The following ABLIM1 variants were observed in gnomAD, a reference collection of about 807,000 sequenced individuals.
ABLIM1 encodes the protein actin binding LIM protein 1, also known as actin-binding LIM protein 1.
Under a neutral mutation model 107.0 loss-of-function variants are expected in ABLIM1, and 40 were observed. The observed-to-expected ratio is 0.37, with a 90% CI of 0.29 to 0.49. ABLIM1 has a LOEUF of 0.49. ABLIM1 is among the 20% of genes least tolerant of loss of function. The probability of loss-of-function intolerance (pLI) is 0.97; values close to 1 mark genes in which losing one functional copy is unlikely to be tolerated. For missense variants in ABLIM1, 857 were observed against 1,008.5 expected (o/e 0.85, Z 2.04); for synonymous variants, 357 against 357.3 (o/e 1.00, Z 0.01).
intron 1 of ABLIM1, among the ~76,000 whole-genome samples, chr10:114,720,665 C>T (rs1291662382): frequency 6.6e-6 from 1 of 152,012 alleles, no homozygotes; most frequent in East Asian, 1.9e-4. Context: ...CTGAAACCTC[C>T]TTGTTGACGA....
chr10:114,704,335 T>TCTCACG (rs3061769), intron 1 of ABLIM1, among the ~76,000 whole-genome samples: 3,332 of 82,672 alleles, frequency 0.04, 210 homozygotes, highest in East Asian at 0.11. Context: ...TATATATATA[T>TCTCACG]TGCGCGCGTT....
intron 16 of ABLIM1, 82 bp from the exon 17 acceptor site, chr10:114,444,216 G>C: frequency 1.7e-6 from 2 of 1,181,488 alleles, no homozygotes; most frequent in Non-Finnish European, 2.4e-6. Flanking sequence ...TTTCTTTGTA[G>C]CAGATCCCAC....
intron 4 of ABLIM1, among the ~76,000 whole-genome samples, chr10:114,569,388 C>T (rs1412762450): frequency 2.0e-5 from 3 of 151,540 alleles, no homozygotes; most frequent in Non-Finnish European, 4.4e-5. Flanking sequence ...GGCGCGATCT[C>T]GGCTCACTGC....
At position 114,435,849 on chromosome 10, in the gene ABLIM1, A is replaced by AT. The variant is rs1249824874; in HGVS notation, c.*410dup. On this transcript the variant is annotated 3_prime_UTR_variant, in exon 23 of 23. Coordinates refer to ENST00000533213, the MANE Select transcript of ABLIM1 (RefSeq NM_002313.7). ...TTAGCCGCAGCGCTACTTAATAAAT[A>AT]TATTTATACTTTGAAATTATGATAA... 1 of 157,834 alleles carries AT rather than the reference A, an allele frequency of 6.3e-6. No homozygotes were observed. The highest frequency in any genetic ancestry group is 1.4e-5 in the Non-Finnish European group (1 of 71,408). 9.8% of individuals were successfully genotyped at this position (157,834 alleles called of 1,614,324 possible).
At chr10:114,439,144 C>A (rs1393998152) in intron 21 of ABLIM1, 32 bp downstream of exon 21, 1 of 1,612,122 alleles carries the variant, frequency 6.2e-7, no homozygotes, top group South Asian at 1.1e-5. Flanking sequence ...ACGCCATTCC[C>A]ATATGAGAGG....
intron 1 of ABLIM1, among the ~76,000 whole-genome samples, chr10:114,755,681 A>C (rs903862477): frequency 6.6e-6 from 1 of 152,166 alleles, no homozygotes; most frequent in East Asian, 1.9e-4. Context: ...CGGTCCAATT[A>C]TCTGCCAAGC....
intron 6 of ABLIM1, among the ~76,000 whole-genome samples, chr10:114,497,711 G>A (rs1035428563): frequency 4.9e-5 from 7 of 141,676 alleles, no homozygotes; most frequent in Non-Finnish European, 9.1e-5. Flanking sequence ...AAAAAATCAC[G>A]TCCCCATTTC....
At chr10:114,455,162 C>A (rs1318580383) in intron 12 of ABLIM1, among the ~76,000 whole-genome samples, 2 of 151,578 alleles carry the variant, frequency 1.3e-5, no homozygotes, top group African/African-American at 4.8e-5. Context: ...TTTTAAGTAA[C>A]CAGAGTACAG....
intron 1 of ABLIM1, among the ~76,000 whole-genome samples, chr10:114,735,458 A>G (rs2082159547): frequency 1.3e-5 from 2 of 151,816 alleles, no homozygotes; most frequent in African/African-American, 4.9e-5. Flanking sequence ...AGGTTAATAA[A>G]TGTGCTGGGT....
intron 1 of ABLIM1, among the ~76,000 whole-genome samples, chr10:114,716,389 G>A (rs2081661229): frequency 6.7e-6 from 1 of 149,094 alleles, no homozygotes; most frequent in South Asian, 2.1e-4. Flanking sequence ...CACAGTTAGT[G>A]TTCTCAAATT....
chr10:114,690,209 GC>G, intron 1 of ABLIM1: 2 of 1,423,756 alleles, frequency 1.4e-6, no homozygotes, highest in Non-Finnish European at 2.0e-6. Context: ...TGGACCCAAA[GC>G]GCCCCGTGGC....
chr10:114,650,084 T>C (rs1035696881), intron 1 of ABLIM1, among the ~76,000 whole-genome samples: 1 of 152,192 alleles, frequency 6.6e-6, no homozygotes, highest in South Asian at 2.1e-4. Flanking sequence ...CTCGACCTCC[T>C]GACCTCGTGA....
chr10:114,497,681 CAAAAAAAAAAA>C (rs576676119), intron 6 of ABLIM1, among the ~76,000 whole-genome samples: 2 of 75,562 alleles, frequency 2.6e-5, no homozygotes, highest in East Asian at 4.1e-4. Flanking sequence ...GATTCTGTCT[CAAAAAAAAAAA>C]AAAAAAAAAA....
rs544293323 is a variant in ABLIM1 at position 114,684,439 on chromosome 10, G to A, written c.-86C>T. The A allele has an allele frequency of 3.9e-5, 62 of 1,583,962 alleles. No individual in the cohort carries two copies. The South Asian group carries it at 5.6e-4, about 14-fold the overall frequency. On this transcript the variant is annotated 5_prime_UTR_variant, in exon 1 of 24. Coordinates refer to the ABLIM1 transcript ENST00000369256. ...AACACTCCTCAAAGGAGAGGCTGGG[G>A]CCCTGGCTCTCCTCCCAGGAGTCTG...
chr10:114,688,428 C>T (rs2080995024), upstream of ABLIM1, among the ~76,000 whole-genome samples: 1 of 152,072 alleles, frequency 6.6e-6, no homozygotes, highest in Non-Finnish European at 1.5e-5. Context: ...ACTTGTACGC[C>T]AATCATATTC....
chr10:114,577,507 A>G (rs1397426936), intron 2 of ABLIM1, among the ~76,000 whole-genome samples: 1 of 152,190 alleles, frequency 6.6e-6, no homozygotes, highest in African/African-American at 2.4e-5. Context: ...ATAGATTGAG[A>G]TAGTTTCAAA....
At chr10:114,749,071 A>G (rs1237866598) in intron 1 of ABLIM1, among the ~76,000 whole-genome samples, 1 of 152,204 alleles carries the variant, frequency 6.6e-6, no homozygotes, top group Non-Finnish European at 1.5e-5. Flanking sequence ...AAGAATGCCT[A>G]ACAATTTAAT....
intron 2 of ABLIM1, among the ~76,000 whole-genome samples, chr10:114,579,210 G>A (rs969698542): frequency 6.6e-6 from 1 of 152,046 alleles, no homozygotes; most frequent in African/African-American, 2.4e-5. Flanking sequence ...GTATTGGCAG[G>A]AAAAGAAAAA....
chr10:114,517,516 C>G (rs1421878103), intron 6 of ABLIM1, among the ~76,000 whole-genome samples: 1 of 152,070 alleles, frequency 6.6e-6, no homozygotes, highest in Non-Finnish European at 1.5e-5. Context: ...TGACAGAATA[C>G]ATTTCTGTCA....
Sources: gnomAD v4.1 joint callset for allele counts (sites outside exome capture counted in the v4.1 genomes callset) on GRCh38, gnomAD v4.1.1 for gene constraint, MANE v1.5 for transcripts, NCBI Gene and HGNC (gene_info 2026-07-23, HGNC 2026-07-21) for gene names.